The following DLGAP2 variants were observed in gnomAD, a reference collection of about 807,000 sequenced individuals.
The protein encoded by DLGAP2 is disks large-associated protein 2.
DLGAP2 carries 26 observed loss-of-function variants against 100.3 expected under a neutral mutation model. The observed-to-expected ratio is 0.26, with a 90% CI of 0.19 to 0.36. The LOEUF (loss-of-function observed/expected upper bound fraction) is 0.36, where lower values mean the gene tolerates loss of function less well. DLGAP2 is among the 10% of genes least tolerant of loss of function. The pLI, the probability that DLGAP2 is intolerant of heterozygous loss-of-function variation, is 1.00. For missense variants in DLGAP2, 1,858 were observed against 1,453.2 expected (o/e 1.28, Z -4.53); for synonymous variants, 886 against 630.1 (o/e 1.41, Z -6.08).
chr8:981,540 C>A (rs1800331564), intron 2 of DLGAP2, among the ~76,000 whole-genome samples: 1 of 152,100 alleles, frequency 6.6e-6, no homozygotes, highest in African/African-American at 2.4e-5. Flanking sequence ...TACATTTTAC[C>A]AGCAGCGTAC....
intron 1 of DLGAP2, among the ~76,000 whole-genome samples, chr8:882,023 G>A (rs1488844991): frequency 6.6e-6 from 1 of 152,118 alleles, no homozygotes; most frequent in Admixed American, 6.5e-5. Context: ...GTGCTCACCT[G>A]TGTCCTGTTC....
At chr8:1,582,134 T>G (rs59736557) in intron 6 of DLGAP2, among the ~76,000 whole-genome samples, 2 of 96,352 alleles carry the variant, frequency 2.1e-5, no homozygotes, top group Non-Finnish European at 4.1e-5. Context: ...AGGATACAGA[T>G]AAAACCCCAC....
chr8:1,705,517 T>TA lies in DLGAP2; in HGVS notation c.*4112dup, dbSNP rs1259237348. ...AAATGTGTGAGAGGGTGTGCGCTGG[T>TA]ACGGACATAAAAGCATTGTCCAAAA... On this transcript the variant is annotated 3_prime_UTR_variant, in exon 15 of 15. Coordinates refer to ENST00000637795, the MANE Select transcript of DLGAP2 (RefSeq NM_001346810.2). 1.3e-5 allele frequency: 2 copies of TA among 152,248 alleles called. No individual in the cohort carries two copies. The highest frequency in any genetic ancestry group is 3.9e-4 in the East Asian group (2 of 5,182). The allele number at this position is 152,248 out of a possible 1,614,324, so 9.4% of individuals were successfully genotyped here.
chr8:1,416,986 A>G (rs915492313), intron 3 of DLGAP2, among the ~76,000 whole-genome samples: 3 of 151,632 alleles, frequency 2.0e-5, no homozygotes, highest in African/African-American at 7.3e-5. Flanking sequence ...ATTGAGACTC[A>G]GAGTCCAGGG....
chr8:889,333 G>A (rs996413275), intron 1 of DLGAP2, among the ~76,000 whole-genome samples: 1 of 152,188 alleles, frequency 6.6e-6, no homozygotes, highest in Non-Finnish European at 1.5e-5. Context: ...TGGAGAGGGT[G>A]TGTTTCACTG....
intron 2 of DLGAP2, among the ~76,000 whole-genome samples, chr8:908,205 A>G (rs995811056): frequency 1.3e-5 from 2 of 152,222 alleles, no homozygotes; most frequent in Non-Finnish European, 2.9e-5. Context: ...TTTTATTAAT[A>G]GATGATTGTT....
At chr8:1,373,795 C>T (rs919936818) in intron 3 of DLGAP2, 1 of 152,236 alleles carries the variant, frequency 6.6e-6, no homozygotes, top group African/African-American at 2.4e-5. Flanking sequence ...CAAGGAAGGT[C>T]AGGTTCAATG....
intron 2 of DLGAP2, among the ~76,000 whole-genome samples, chr8:1,039,415 C>G (rs1480314502): frequency 1.4e-4 from 20 of 148,060 alleles, no homozygotes; most frequent in African/African-American, 5.0e-4. Flanking sequence ...TTTCTGTGGT[C>G]AGCTCGGTTT....
At chr8:856,097 T>C (rs1397157110) in intron 1 of DLGAP2, among the ~76,000 whole-genome samples, 1 of 151,006 alleles carries the variant, frequency 6.6e-6, no homozygotes, top group African/African-American at 2.4e-5. Context: ...TGGGATATAA[T>C]AAATAAAAAT....
chr8:1,118,931 T>G (rs989085396), intron 2 of DLGAP2, among the ~76,000 whole-genome samples: 5 of 152,264 alleles, frequency 3.3e-5, no homozygotes, highest in Admixed American at 6.5e-5. Flanking sequence ...AGACATAGCA[T>G]TATGCTTACA....
intron 2 of DLGAP2, among the ~76,000 whole-genome samples, chr8:1,044,695 AG>A (rs1041702959): frequency 4.6e-5 from 7 of 152,184 alleles, no homozygotes; most frequent in Non-Finnish European, 1.0e-4. Flanking sequence ...AAGCTATCGG[AG>A]GAAAGTTTCT....
intron 2 of DLGAP2, among the ~76,000 whole-genome samples, chr8:1,040,890 AT>A (rs1802327335): frequency 6.6e-6 from 1 of 152,168 alleles, no homozygotes; most frequent in African/African-American, 2.4e-5. Context: ...ACGCACCCTC[AT>A]TCCTGGAGCT....
At chr8:1,518,699 C>G (rs1418681381) in intron 4 of DLGAP2, among the ~76,000 whole-genome samples, 1 of 152,090 alleles carries the variant, frequency 6.6e-6, no homozygotes, top group Non-Finnish European at 1.5e-5. Context: ...ATTATGGAGT[C>G]TTTGAGATTT....
intron 6 of DLGAP2, among the ~76,000 whole-genome samples, chr8:1,614,763 G>T (rs1797095284): frequency 6.6e-6 from 1 of 152,230 alleles, no homozygotes; most frequent in African/African-American, 2.4e-5. Context: ...TTCTGGCTCT[G>T]GGATAATAAC....
At position 1,197,693 on chromosome 8, in the gene DLGAP2, GCCACGTCAATGT is replaced by G. The variant is rs1797781871; in HGVS notation, c.74-61157_74-61146del. Among the ~76,000 whole-genome samples, 163 of 66,346 alleles carry G rather than the reference GCCACGTCAATGT, an allele frequency of 2.5e-3. 5 individuals are homozygous for G. The Admixed American group carries it at 0.025, about 10-fold the overall frequency. 43.5% of individuals were successfully genotyped at this position (66,346 alleles called of 152,430 possible). On this transcript the variant is annotated intron_variant, in intron 2 of 14. Transcript: ENST00000637795. ...CCACCAGCTGTCCATATAAACCTGAGCCACGTCAATGTGGAGCATCTGGGCCACCAGCTGTCC... is the reference window on the plus strand; with the variant it reads ...CCACCAGCTGTCCATATAAACCTGAGGGAGCATCTGGGCCACCAGCTGTCC...
intron 3 of DLGAP2, among the ~76,000 whole-genome samples, chr8:1,341,999 G>A (rs1338084678): frequency 1.3e-5 from 2 of 152,112 alleles, no homozygotes; most frequent in African/African-American, 4.8e-5. Flanking sequence ...CACCCGGGCT[G>A]GAGTGCAATG....
At chr8:856,564 A>G (rs1797282979) in intron 1 of DLGAP2, among the ~76,000 whole-genome samples, 1 of 152,206 alleles carries the variant, frequency 6.6e-6, no homozygotes, top group Non-Finnish European at 1.5e-5. Flanking sequence ...AAGGTCAGTT[A>G]CTTCATTTTA....
At chr8:1,439,732 G>A (rs970563867) in intron 3 of DLGAP2, among the ~76,000 whole-genome samples, 1 of 152,052 alleles carries the variant, frequency 6.6e-6, no homozygotes, top group Non-Finnish European at 1.5e-5. Flanking sequence ...GGCTGCTTTG[G>A]ATGAGCCACA....
At chr8:1,638,726 C>T (rs1239001597) in intron 8 of DLGAP2, among the ~76,000 whole-genome samples, 4 of 152,120 alleles carry the variant, frequency 2.6e-5, no homozygotes, top group East Asian at 3.9e-4. Flanking sequence ...GGATGAGGCC[C>T]AGAAAGCCAG....
Sources: allele counts gnomAD v4.1 joint callset (sites outside exome capture counted in the v4.1 genomes callset), GRCh38; gene constraint gnomAD v4.1.1; transcripts MANE v1.5; gene names NCBI Gene and HGNC (gene_info 2026-07-23, HGNC 2026-07-21).